The following PRKG1 variants were observed in gnomAD, a reference collection of about 807,000 sequenced individuals.
The protein encoded by PRKG1 is protein kinase cGMP-dependent 1.
PRKG1 carries 35 observed loss-of-function variants against 88.1 expected under a neutral mutation model. That is an observed-to-expected ratio of 0.40 (90% confidence interval 0.30 to 0.53). PRKG1 has a LOEUF of 0.53. Ranked by LOEUF, PRKG1 falls within the 20% of genes least tolerant of loss-of-function variation. The pLI is 0.59. For missense variants in PRKG1, 540 were observed against 839.8 expected (o/e 0.64, Z 4.41); for synonymous variants, 303 against 292.5 (o/e 1.04, Z -0.37).
chr10:51,246,693 A>T (rs2132133681), intron 2 of PRKG1, among the ~76,000 whole-genome samples: 1 of 152,188 alleles, frequency 6.6e-6, no homozygotes, highest in East Asian at 1.9e-4. Flanking sequence ...AATATTTCCA[A>T]CAATGAAACA....
rs188917523 is a variant in PRKG1, at chr10:52,084,728, T to C, written c.935+22097T>C. On this transcript the variant is annotated intron_variant, in intron 7 of 17. Coordinates refer to ENST00000373980, the MANE Select transcript of PRKG1 (RefSeq NM_006258.4). The stretch of plus-strand genomic sequence containing the variant: ...TATACAGTTAACAAGTTCAAGAAAT[T>C]TGACATAGATATAATAGTTTATCTA... Among the ~76,000 whole-genome samples the C allele has an allele frequency of 1.2e-4, 19 of 152,194 alleles. No homozygotes were observed. In the East Asian group the frequency reaches 3.7e-3, roughly 29 times the overall value.
chr10:52,181,419 CTTTTTTTTTTT>C (rs761799361), intron 9 of PRKG1, among the ~76,000 whole-genome samples: 14 of 55,058 alleles, frequency 2.5e-4, no homozygotes, highest in African/African-American at 5.7e-4. Context: ...CACAGCTCTT[CTTTTTTTTTTT>C]TTTTTTTTTT....
chr10:51,222,569 C>T (rs1838571697), intron 2 of PRKG1, among the ~76,000 whole-genome samples: 2 of 152,022 alleles, frequency 1.3e-5, no homozygotes, highest in Non-Finnish European at 2.9e-5. Context: ...GAGAAGTTTG[C>T]TTAGTCTATT....
chr10:51,517,163 G>C (rs558936320), intron 3 of PRKG1, among the ~76,000 whole-genome samples: 1 of 152,304 alleles, frequency 6.6e-6, no homozygotes, highest in Non-Finnish European at 1.5e-5. Context: ...CTAAGGAAAC[G>C]AAGATCAGAA....
At chr10:51,390,069 G>A (rs1483150432) in intron 2 of PRKG1, among the ~76,000 whole-genome samples, 3 of 152,182 alleles carry the variant, frequency 2.0e-5, no homozygotes, top group East Asian at 1.9e-4. Context: ...GTTTGTGGTC[G>A]AGGCATTCAG....
intron 3 of PRKG1, among the ~76,000 whole-genome samples, chr10:51,528,588 T>C (rs1841939343): frequency 6.6e-6 from 1 of 150,666 alleles, no homozygotes; most frequent in Non-Finnish European, 1.5e-5. Flanking sequence ...AAAAAACAAA[T>C]TCAGAGGTGA....
chr10:51,606,166 T>G (rs1838761334), intron 3 of PRKG1, among the ~76,000 whole-genome samples: 1 of 152,310 alleles, frequency 6.6e-6, no homozygotes, highest in East Asian at 1.9e-4. Context: ...TATTACTGGA[T>G]TTATTCAGTA....
At chr10:51,747,848 C>T (rs1837620315) in intron 3 of PRKG1, among the ~76,000 whole-genome samples, 1 of 152,090 alleles carries the variant, frequency 6.6e-6, no homozygotes, top group Non-Finnish European at 1.5e-5. Flanking sequence ...TGGCTCACTG[C>T]AACCTCCGCC....
At chr10:52,034,787 C>T (rs1320384737) in intron 5 of PRKG1, among the ~76,000 whole-genome samples, 4 of 152,108 alleles carry the variant, frequency 2.6e-5, no homozygotes, top group East Asian at 1.9e-4. Context: ...AAGTTTTTTG[C>T]GGCACAGTGT....
intron 7 of PRKG1, among the ~76,000 whole-genome samples, chr10:52,073,247 C>A (rs750714227): frequency 6.6e-6 from 1 of 152,160 alleles, no homozygotes; most frequent in African/African-American, 2.4e-5. Flanking sequence ...TATGGCAGCA[C>A]CTTAACTTGA....
intron 2 of PRKG1, among the ~76,000 whole-genome samples, chr10:51,252,211 T>TTG (rs1365275296): frequency 6.6e-6 from 1 of 151,826 alleles, no homozygotes; most frequent in Non-Finnish European, 1.5e-5. Flanking sequence ...GAGTGCTCTA[T>TTG]TGTATAGTAT....
intron 2 of PRKG1, among the ~76,000 whole-genome samples, chr10:51,407,999 A>G (rs1837970608): frequency 6.6e-6 from 1 of 152,170 alleles, no homozygotes; most frequent in Non-Finnish European, 1.5e-5. Context: ...TCTTCCCTCT[A>G]GAAAGAACTA....
chr10:51,694,812 C>T (rs1257901810), intron 3 of PRKG1, among the ~76,000 whole-genome samples: 1 of 152,084 alleles, frequency 6.6e-6, no homozygotes, highest in African/African-American at 2.4e-5. Context: ...ATATTGCTTG[C>T]TTTATTCTTT....
intron 5 of PRKG1, among the ~76,000 whole-genome samples, chr10:51,945,770 G>A (rs1374974959): frequency 6.6e-6 from 1 of 151,440 alleles, no homozygotes; most frequent in Non-Finnish European, 1.5e-5. Flanking sequence ...CTTTAAGAAT[G>A]TTGAATATTG....
intron 3 of PRKG1, chr10:51,697,717 T>C (rs1186263285): frequency 6.2e-7 from 1 of 1,614,148 alleles, no homozygotes; most frequent in South Asian, 1.1e-5. Flanking sequence ...CTCCAGTGGA[T>C]TTCTGGATTT....
intron 3 of PRKG1, among the ~76,000 whole-genome samples, chr10:51,738,200 C>G (rs1362098006): frequency 6.6e-6 from 1 of 152,172 alleles, no homozygotes; most frequent in African/African-American, 2.4e-5. Context: ...TATCCTCTTA[C>G]AGTCCTCAGT....
chr10:51,343,769 A>G (rs1210370783), intron 2 of PRKG1, among the ~76,000 whole-genome samples: 1 of 152,180 alleles, frequency 6.6e-6, no homozygotes, highest in Non-Finnish European at 1.5e-5. Flanking sequence ...ATTGTAAAGC[A>G]GGATTGTGCC....
intron 2 of PRKG1, among the ~76,000 whole-genome samples, chr10:51,422,362 T>C (rs1427988843): frequency 6.6e-6 from 1 of 152,228 alleles, no homozygotes; most frequent in Non-Finnish European, 1.5e-5. Context: ...CCTAGACGTT[T>C]AGCATGATGG....
chr10:51,006,305 A>G lies in PRKG1; in HGVS notation c.266+14661A>G, dbSNP rs533390759. Among the ~76,000 whole-genome samples the G allele has an allele frequency of 2.0e-5, 3 of 152,348 alleles. No homozygotes were observed. In the East Asian group the frequency reaches 5.8e-4, roughly 29 times the overall value. ...ACTAACCTGACGTTATCATGCAAAAATACACACAAAACCACAGCCTCTTCA... is the reference window on the plus strand; with the variant it reads ...ACTAACCTGACGTTATCATGCAAAAGTACACACAAAACCACAGCCTCTTCA... On this transcript the variant is annotated intron_variant, in intron 1 of 17. Transcript: ENST00000401604.
Sources: allele counts gnomAD v4.1 joint callset (sites outside exome capture counted in the v4.1 genomes callset), GRCh38; gene constraint gnomAD v4.1.1; transcripts MANE v1.5; gene names NCBI Gene and HGNC (gene_info 2026-07-23, HGNC 2026-07-21).